Variants in SCRIB observed in about 807,000 individuals in gnomAD.
The protein encoded by SCRIB is protein scribble homolog.
In SCRIB, 72 loss-of-function variants were observed where a neutral mutation model predicts 170.0. The observed-to-expected ratio is 0.42, with a 90% CI of 0.35 to 0.52. The LOEUF (loss-of-function observed/expected upper bound fraction) is 0.52, where lower values mean the gene tolerates loss of function less well. Ranked by LOEUF, SCRIB falls within the 20% of genes least tolerant of loss-of-function variation. The probability of loss-of-function intolerance (pLI) is 0.02; values close to 1 mark genes in which losing one functional copy is unlikely to be tolerated. For synonymous variants in SCRIB, 1,298 were observed against 1,044.3 expected, an observed-to-expected ratio of 1.24 and a Z score of -4.68; for missense variants, 2,475 against 2,338.5, an observed-to-expected ratio of 1.06 and a Z score of -1.20.
At chr8:143,805,939 G>T (rs182739299) in intron 18 of SCRIB, among the ~76,000 whole-genome samples, 2 of 152,168 alleles carry the variant, frequency 1.3e-5, no homozygotes, top group Admixed American at 1.3e-4. Context: ...CTACAAGAAG[G>T]GCGCATGCCT....
Position 143,791,192 on chromosome 8 carries a change from G to C in SCRIB, c.4939C>G (p.Arg1647Gly). ...CSSRRPVRPG[R>G]RGLGPVPS Reference sequence around the variant, plus strand: ...GAGGGCACAGGGCCCAGGCCACGGCGCCCAGGCCTTACGGGGCGGCGGCTG... The same window carrying C: ...GAGGGCACAGGGCCCAGGCCACGGCCCCCAGGCCTTACGGGGCGGCGGCTG... The change falls in exon 37 of 37, where the codon CGC becomes GGC. Residue 1647 changes from arginine to glycine, a missense_variant. Arg to Gly is a moderately radical substitution (Grantham distance 125, BLOSUM62 -2). Around this residue, in one of 3 missense-constraint regions of SCRIB, gnomAD observed 22 missense variants for 37.5 expected, o/e 0.59. Coordinates refer to ENST00000356994, the MANE Select transcript of SCRIB (RefSeq NM_182706.5). 6.9e-6 allele frequency: 10 copies of C among 1,442,182 alleles called. No homozygotes were observed. The highest frequency in any genetic ancestry group is 9.1e-6 in the Non-Finnish European group (10 of 1,095,714). The allele number at this position is 1,442,182 out of a possible 1,614,324, so 89.3% of individuals were successfully genotyped here.
intron 27 of SCRIB, chr8:143,794,210 G>T: frequency 1.9e-6 from 1 of 520,796 alleles, no homozygotes; most frequent in Non-Finnish European, 3.5e-6. Flanking sequence ...GAGCTTTGCA[G>T]GAGAGATGGG....
chr8:143,794,934 C>A, intron 27 of SCRIB, 104 bp downstream of exon 27: 2 of 1,177,400 alleles, frequency 1.7e-6, no homozygotes, highest in Non-Finnish European at 2.4e-6. Flanking sequence ...ACCCCAGCCC[C>A]CGCCCAAAGG....
rs377724588 is a variant in SCRIB at position 143,811,843 on chromosome 8, C to T, written c.906+423G>A. ...CCCACAGCTAGCTCCTGTTTCCCAGCCTGGGGATGGGGATAGCAACACCAC... is the reference window on the plus strand; with the variant it reads ...CCCACAGCTAGCTCCTGTTTCCCAGTCTGGGGATGGGGATAGCAACACCAC... On this transcript the variant is annotated intron_variant, in intron 9 of 36. Coordinates refer to ENST00000356994, the MANE Select transcript of SCRIB (RefSeq NM_182706.5). Among the ~76,000 whole-genome samples, 10 of 152,178 alleles carry T rather than the reference C, an allele frequency of 6.6e-5. No individual in the cohort carries two copies. The East Asian group carries it at 1.3e-3, about 21-fold the overall frequency.
intron 11 of SCRIB, 42 bp from the exon 12 acceptor site, chr8:143,810,858 C>A (rs1247316673): frequency 4.4e-6 from 7 of 1,606,940 alleles, no homozygotes; most frequent in Non-Finnish European, 5.9e-6. Context: ...GTCCCCAAAC[C>A]CTGCCTGAGA....
intron 17 of SCRIB, 111 bp from the exon 18 acceptor site, chr8:143,806,595 G>A (rs1815436252): frequency 2.3e-6 from 2 of 874,838 alleles, no homozygotes; most frequent in East Asian, 2.6e-5. Context: ...CCCTAGCCCT[G>A]GCCAGCAGGA....
At position 143,805,345 on chromosome 8, in the gene SCRIB, G is replaced by A. The variant is rs782386048; in HGVS notation, c.2437C>T (p.Arg813Trp). Residue 813 changes from arginine (R) to tryptophan (W), a missense_variant, in exon 19 of 37, where the codon CGG becomes TGG. Transcript: ENST00000356994. Reference protein sequence around the residue: ...AGTAVQMRVWRERMVEPENAV... With the variant: ...AGTAVQMRVWWERMVEPENAV... ...TTCTCAGGCTCCACCATGCGCTCCC[G>A]CCACACTCGCATCTGCACGGCAGTG... 1.9e-6 allele frequency: 3 copies of A among 1,550,656 alleles called. No homozygotes were observed. The highest frequency in any genetic ancestry group is 1.7e-6 in the Non-Finnish European group (2 of 1,154,118).
Position 143,807,584 on chromosome 8 carries a change from G to T in SCRIB, c.2146C>A (p.Leu716Met). ...GVSFDQANNL[L>M]IEPARIEEEE... ...TCCTCAATGCGAGCAGGCTCTATCA[G>T]CAGGTTATTGGCCTGGTCAAACGAC... Residue 716 changes from leucine to methionine, a missense_variant, in exon 16 of 37, where the codon CTG becomes ATG. By Grantham distance (15) the Leu-to-Met change is conservative. Transcript: ENST00000356994. 3.1e-6 allele frequency: 5 copies of T among 1,613,978 alleles called. No homozygotes were observed. Among genetic ancestry groups the T allele is most frequent in the Non-Finnish European group, 3.4e-6 (4 of 1,179,912 alleles).
rs1816027659 is a variant in SCRIB at position 143,815,300 on chromosome 8, G to C, written c.73C>G (p.Gln25Glu). Residue 25 changes from glutamine (Q) to glutamate (E), a missense_variant, in exon 1 of 37, where the codon CAG becomes GAG. Around this residue, in one of 3 missense-constraint regions of SCRIB, gnomAD observed 487 missense variants for 558.1 expected, o/e 0.87. Transcript: ENST00000356994. ...ESVDKRHCSL[Q>E]AVPEEIYRYS... ...CGGTAGATCTCCTCCGGCACGGCCT[G>C]CAGCGAACAGTGCCGCTTGTCCACC... The C allele has an allele frequency of 6.3e-7, 1 of 1,593,630 alleles. No individual in the cohort carries two copies. Among genetic ancestry groups the C allele is most frequent in the African/African-American group, 1.4e-5 (1 of 72,726 alleles).
At position 143,815,729 on chromosome 8, in the gene SCRIB, C is replaced by G. The variant is rs1281128491; in HGVS notation, c.-357G>C. 11 of 984,032 alleles carry G rather than the reference C, an allele frequency of 1.1e-5. No individual in the cohort carries two copies. Among genetic ancestry groups the G allele is most frequent in the African/African-American group, 5.3e-5 (3 of 57,040 alleles). The allele number at this position is 984,032 out of a possible 1,614,324, so 61.0% of individuals were successfully genotyped here. ...GCCGCTGCCCGCCGGACTGCCCCGC[C>G]GACACCCACCCGGCCGCCGCGCAGC... On this transcript the variant is annotated 5_prime_UTR_variant, in exon 1 of 37. Transcript: ENST00000356994.
intron 28 of SCRIB, 77 bp from the exon 29 acceptor site, chr8:143,793,160 T>G: frequency 1.3e-6 from 1 of 774,234 alleles, no homozygotes; most frequent in Non-Finnish European, 1.9e-6. Context: ...CCACCGGCTG[T>G]CCCCCCGCCT....
chr8:143,809,512 G>A, intron 14 of SCRIB, 39 bp downstream of exon 14: 1 of 1,586,858 alleles, frequency 6.3e-7, no homozygotes. Flanking sequence ...CCCCCACCCA[G>A]CAGGCCCAGC....
At position 143,810,590 on chromosome 8, in the gene SCRIB, C is replaced by G. The variant is rs767522799; in HGVS notation, c.1419G>C (p.Arg473=). 1.2e-6 allele frequency: 2 copies of G among 1,613,608 alleles called. No individual in the cohort carries two copies. Among genetic ancestry groups the G allele is most frequent in the South Asian group, 2.2e-5 (2 of 91,062 alleles). ...TGAGCTCGCTGGGGTGAGGTGTGGCCCGGCGCTGTAGGCCCTGTTGTAGGG... is the reference window on the plus strand; with the variant it reads ...TGAGCTCGCTGGGGTGAGGTGTGGCGCGGCGCTGTAGGCCCTGTTGTAGGG... ...AAAEKRGLQR[R]ATPHPSELKV... is the part of the protein sequence containing the mutation. The change falls in exon 13 of 37, where the codon CGG becomes CGC. Residue 473 remains arginine (R), a synonymous_variant. Transcript: ENST00000356994.
In SCRIB at chr8:143,805,360, G is replaced by GCAC; in HGVS notation, c.2419_2421dup (p.Val807dup). ...ATGCGCTCCCGCCACACTCGCATCTGCACGGCAGTGCCGGCCCCCCGGAGC... is the reference window on the plus strand; with the variant it reads ...ATGCGCTCCCGCCACACTCGCATCTGCACCACGGCAGTGCCGGCCCCCCGGAGC... On this transcript the variant is annotated inframe_insertion, in exon 19 of 37. Coordinates refer to ENST00000356994, the MANE Select transcript of SCRIB (RefSeq NM_182706.5). The GCAC allele has an allele frequency of 2.6e-6, 4 of 1,550,298 alleles. No individual in the cohort carries two copies. Among genetic ancestry groups the GCAC allele is most frequent in the Non-Finnish European group, 3.5e-6 (4 of 1,153,862 alleles).
Position 143,795,303 on chromosome 8 carries a change from A to C in SCRIB, c.3745T>G (p.Trp1249Gly). 2 of 1,612,644 alleles carry C rather than the reference A, an allele frequency of 1.2e-6. No homozygotes were observed. The highest frequency in any genetic ancestry group is 1.7e-6 in the Non-Finnish European group (2 of 1,179,874). The change falls in exon 26 of 37, where the codon TGG (tryptophan) becomes GGG (glycine). Residue 1249 changes from tryptophan (W) to glycine (G), a missense_variant. Physicochemically the swap from Trp to Gly is radical, Grantham distance 184. This residue lies in a region of SCRIB where 1,966 missense variants were observed against 1,742.9 expected (regional missense o/e 1.13). Transcript: ENST00000356994. ...GCGGCTTCTGTGGCCTCGGGCCCCC[A>C]GTGCAGGGTCTGTCCAGGCAGCTCC... is the stretch of plus-strand genomic sequence containing the variant. ...EKELPGQTLH[W>G]GPEATEAAGR...
chr8:143,810,645 G>C (rs562452347), intron 12 of SCRIB, 41 bp from the exon 13 acceptor site: 4 of 1,605,074 alleles, frequency 2.5e-6, no homozygotes, highest in African/African-American at 1.3e-5. Context: ...ACAGGGCAGG[G>C]GTCAGGCAGA....
Position 143,805,348 on chromosome 8 carries a change from A to G in SCRIB, c.2434T>C (p.Trp812Arg). ...GAGTAVQMRV[W>R]RERMVEPENA... ...TCAGGCTCCACCATGCGCTCCCGCCACACTCGCATCTGCACGGCAGTGCCG... is the reference window on the plus strand; with the variant it reads ...TCAGGCTCCACCATGCGCTCCCGCCGCACTCGCATCTGCACGGCAGTGCCG... Residue 812 changes from tryptophan (W) to arginine (R), a missense_variant, in exon 19 of 37, where the codon TGG becomes CGG. Physicochemically the swap from Trp to Arg is moderately radical, Grantham distance 101. Transcript: ENST00000356994. The G allele has an allele frequency of 6.4e-7, 1 of 1,551,516 alleles. No individual in the cohort carries two copies. The highest frequency in any genetic ancestry group is 8.7e-7 in the Non-Finnish European group (1 of 1,154,604).
At chr8:143,807,036 G>A (rs1554636782) in intron 16 of SCRIB, 23 bp from the exon 17 acceptor site, 4 of 1,562,492 alleles carry the variant, frequency 2.6e-6, no homozygotes, top group Non-Finnish European at 3.5e-6. Flanking sequence ...CAGACAGGGT[G>A]TCTAGAAGGG....
chr8:143,807,434 G>A, intron 16 of SCRIB, 118 bp downstream of exon 16: 1 of 855,736 alleles, frequency 1.2e-6, no homozygotes, highest in Non-Finnish European at 2.0e-6. Flanking sequence ...CTGGATCTGA[G>A]AGCTCTTTTG....
Sources: gnomAD v4.1 joint callset for allele counts (sites outside exome capture counted in the v4.1 genomes callset) on GRCh38, gnomAD v4.1.1 for gene constraint, gnomAD v4.1.1 regional missense constraint, MANE v1.5 for transcripts, NCBI Gene and HGNC (gene_info 2026-07-23, HGNC 2026-07-21) for gene names.